PTRH1: variants seen among roughly 807,000 people sequenced by gnomAD.
The protein encoded by PTRH1 is peptidyl-tRNA hydrolase 1 homolog, also known as peptidyl-tRNA hydrolase.
Under a neutral mutation model 15.7 loss-of-function variants are expected in PTRH1, and 13 were observed. The observed-to-expected ratio is 0.83, with a 90% CI of 0.54 to 1.31. The LOEUF is 1.31. PTRH1 is among the 40% of genes most tolerant of loss of function. The pLI, the probability that PTRH1 is intolerant of heterozygous loss-of-function variation, is 0.00. For synonymous variants in PTRH1, 139 were observed against 136.7 expected, an observed-to-expected ratio of 1.02 and a Z score of -0.12; for missense variants, 319 against 296.2, an observed-to-expected ratio of 1.08 and a Z score of -0.56.
chr9:127,696,913 G>A (rs1429735916), intron 1 of PTRH1, among the ~76,000 whole-genome samples: 2 of 152,114 alleles, frequency 1.3e-5, no homozygotes, highest in Non-Finnish European at 2.9e-5. Context: ...ATTCCAGTGT[G>A]AATACAGAGT....
downstream of PTRH1, among the ~76,000 whole-genome samples, chr9:127,710,919 G>A (rs908373986): frequency 6.6e-6 from 1 of 152,146 alleles, no homozygotes; most frequent in Non-Finnish European, 1.5e-5. Flanking sequence ...GATTATGGAG[G>A]GGTGGGAGAA....
At chr9:127,711,364 C>G (rs1183657574), downstream of PTRH1, 1 of 1,614,208 alleles carries the variant, frequency 6.2e-7, no homozygotes, top group East Asian at 2.2e-5. Context: ...TGGCCAGGGT[C>G]TCCCAGCAAG....
intron 1 of PTRH1, chr9:127,707,002 T>C (rs1261956121): frequency 1.9e-6 from 3 of 1,610,800 alleles, no homozygotes; most frequent in Non-Finnish European, 1.7e-6. Flanking sequence ...GGCCTCTTCC[T>C]GGGGCCTGGA....
intron 1 of PTRH1, chr9:127,706,989 C>A (rs199544858): frequency 6.2e-7 from 1 of 1,606,944 alleles, no homozygotes; most frequent in Non-Finnish European, 8.5e-7. Flanking sequence ...TTAGCAACCA[C>A]CTGGCCTCTT....
chr9:127,712,721 G>T, downstream of PTRH1: 2 of 1,614,162 alleles, frequency 1.2e-6, no homozygotes, highest in Non-Finnish European at 1.7e-6. Flanking sequence ...GCACCGCGAT[G>T]AAGAGGACAG....
At chr9:127,714,307 G>A (rs1162818560) in intron 4 of PTRH1, 25 bp from the exon 5 acceptor site, 2 of 1,613,956 alleles carry the variant, frequency 1.2e-6, no homozygotes, top group East Asian at 2.2e-5. Flanking sequence ...GAGAGGCCCA[G>A]GAAGCTTTGG....
At position 127,715,187 on chromosome 9, in the gene PTRH1, C is replaced by G; in HGVS notation, c.104G>C (p.Gly35Ala). The G allele has an allele frequency of 6.5e-7, 1 of 1,526,908 alleles. No individual in the cohort carries two copies. Among genetic ancestry groups the G allele is most frequent in the Non-Finnish European group, 8.8e-7 (1 of 1,141,164 alleles). 94.6% of individuals were successfully genotyped at this position (1,526,908 alleles called of 1,614,324 possible). Residue 35 changes from glycine (G) to alanine (A), a missense_variant, in exon 2 of 5, where the codon GGC becomes GCC. Transcript: ENST00000543175. The surrounding 1 kb of genome is among the most constrained non-coding windows in gnomAD (Gnocchi z 5.8). ...RPPGKRWMVA[G>A]LGNPGLPGTR... The stretch of plus-strand genomic sequence containing the variant: ...GCCGGGCAGTCCGGGATTCCCCAGG[C>G]CAGCCACCTGCGGGCGGCACCAGGG...
At chr9:127,714,750 G>A (rs769437148) in intron 2 of PTRH1, 48 bp from the exon 3 acceptor site, 7 of 1,484,906 alleles carry the variant, frequency 4.7e-6, no homozygotes, top group Admixed American at 1.9e-5. Context: ...TCTGCCCAGA[G>A]AGGCACTGTC....
At chr9:127,707,501 T>C (rs1429992590) in intron 1 of PTRH1, among the ~76,000 whole-genome samples, 6 of 151,816 alleles carry the variant, frequency 4.0e-5, no homozygotes, top group Non-Finnish European at 8.8e-5. Context: ...GATCACAGGC[T>C]TTATGAAAGG....
rs773501750 is a variant in PTRH1, at chr9:127,714,260, C to T, written c.485G>A (p.Gly162Asp). The T allele has an allele frequency of 6.2e-7, 1 of 1,613,956 alleles. No homozygotes were observed. Among genetic ancestry groups the T allele is most frequent in the Non-Finnish European group, 8.5e-7 (1 of 1,179,958 alleles). The change falls in exon 5 of 5, where the codon GGT becomes GAT. Residue 162 changes from glycine to aspartate, a missense_variant. Physicochemically the swap from Gly to Asp is moderately conservative, Grantham distance 94. Transcript: ENST00000543175. ...CTCAGGGTGCGCCGGGCGCCCGATACCCACCCGCAGCCTTGGCATTGCCTG... is the reference window on the plus strand; with the variant it reads ...CTCAGGGTGCGCCGGGCGCCCGATATCCACCCGCAGCCTTGGCATTGCCTG... ...NSNAMPRLRV[G>D]IGRPAHPEAV...
Position 127,714,209 on chromosome 9 carries a change from C to T in PTRH1, c.536G>A (p.Cys179Tyr). The T allele has an allele frequency of 6.2e-7, 1 of 1,613,932 alleles. No homozygotes were observed. The highest frequency in any genetic ancestry group is 8.5e-7 in the Non-Finnish European group (1 of 1,180,000). Residue 179 changes from cysteine to tyrosine, a missense_variant, in exon 5 of 5, where the codon TGC becomes TAC. By Grantham distance (194) the Cys-to-Tyr change is radical (BLOSUM62 -2). Coordinates refer to ENST00000543175, the MANE Select transcript of PTRH1 (RefSeq NM_001002913.3). Reference sequence around the variant, plus strand: ...CAGCTCCTGCTCAGCAGGGGAGAAGCAGCCCAGCACATGGGCCTGAACCGC... The same window carrying T: ...CAGCTCCTGCTCAGCAGGGGAGAAGTAGCCCAGCACATGGGCCTGAACCGC... ...PEAVQAHVLG[C>Y]FSPAEQELLP...
downstream of PTRH1, among the ~76,000 whole-genome samples, chr9:127,711,049 C>T (rs1842754390): frequency 6.6e-6 from 1 of 152,142 alleles, no homozygotes; most frequent in African/African-American, 2.4e-5. Context: ...TGAAATGGTA[C>T]CAATTACAAA....
chr9:127,696,134 T>C (rs189599736), intron 1 of PTRH1: 1 of 152,262 alleles, frequency 6.6e-6, no homozygotes, highest in Admixed American at 6.5e-5. Flanking sequence ...GCCCAGGAGT[T>C]TGAGACCAGC....
At chr9:127,714,488 G>A in intron 3 of PTRH1, 64 bp from the exon 4 acceptor site, 3 of 1,606,438 alleles carry the variant, frequency 1.9e-6, no homozygotes, top group Non-Finnish European at 2.6e-6. Flanking sequence ...ACCCCTCCCT[G>A]CCCCGGCTGG....
At chr9:127,711,544 G>A (rs751481755), downstream of PTRH1, 3 of 1,584,734 alleles carry the variant, frequency 1.9e-6, no homozygotes, top group Admixed American at 1.7e-5. Flanking sequence ...CAAGGCAGGA[G>A]GCCGCCCTGG....
At position 127,715,531 on chromosome 9, in the gene PTRH1, C is replaced by A. The variant is rs753292760; in HGVS notation, c.96+13G>T. The A allele has an allele frequency of 7.6e-5, 123 of 1,613,290 alleles. No homozygotes were observed. The highest frequency in any genetic ancestry group is 1.0e-4 in the Non-Finnish European group (118 of 1,180,036). ...GACCGGGAGCCCCTACGTCGCCGCCCCACGCCACTCACCATCCACCGCTTC... is the reference window on the plus strand; with the variant it reads ...GACCGGGAGCCCCTACGTCGCCGCCACACGCCACTCACCATCCACCGCTTC... On this transcript the variant is annotated intron_variant, in intron 1 of 4. Coordinates refer to ENST00000543175, the MANE Select transcript of PTRH1 (RefSeq NM_001002913.3). The surrounding 1 kb of genome is among the most constrained non-coding windows in gnomAD (Gnocchi z 5.8).
chr9:127,706,184 C>G (rs1370308647), intron 1 of PTRH1, among the ~76,000 whole-genome samples: 1 of 152,208 alleles, frequency 6.6e-6, no homozygotes, highest in Non-Finnish European at 1.5e-5. Context: ...CACTTTTGAC[C>G]AACCAATCAC....
In PTRH1 at chr9:127,706,423, G is replaced by A. The variant is rs202155767; in HGVS notation, c.205+9012C>T. 5.4e-4 allele frequency among the ~76,000 whole-genome samples: 82 copies of A among 152,320 alleles called. 1 individual carries two copies. The highest frequency in any genetic ancestry group is 3.9e-3 in the South Asian group (19 of 4,826). ...TGGTGCTATAGCCATCTCTTGCTAA[G>A]TGACAAGCCCTGGGATGACAGGGAT... On this transcript the variant is annotated intron_variant, in intron 1 of 2. Coordinates refer to the PTRH1 transcript ENST00000335223.
downstream of PTRH1, chr9:127,711,254 G>C: frequency 6.2e-7 from 1 of 1,614,094 alleles, no homozygotes; most frequent in Non-Finnish European, 8.5e-7. Context: ...CATCCAGCGC[G>C]TGAACCTCGT....
Sources: gnomAD v4.1 joint callset for allele counts (sites outside exome capture counted in the v4.1 genomes callset) on GRCh38, gnomAD v4.1.1 for gene constraint, Gnocchi (gnomAD v3.1) non-coding constraint, MANE v1.5 for transcripts, NCBI Gene and HGNC (gene_info 2026-07-23, HGNC 2026-07-21) for gene names.